The following COQ5 variants were observed in gnomAD, a reference collection of about 807,000 sequenced individuals.
COQ5 encodes the protein 2-methoxy-6-polyprenyl-1,4-benzoquinol methylase, mitochondrial.
In COQ5, 27 loss-of-function variants were observed where a neutral mutation model predicts 40.5. The observed-to-expected ratio is 0.67, with a 90% CI of 0.49 to 0.92. The LOEUF (loss-of-function observed/expected upper bound fraction) is 0.92, where lower values mean the gene tolerates loss of function less well. COQ5 is among the 40% of genes least tolerant of loss of function. The pLI is 0.00. For synonymous variants in COQ5, 141 were observed against 150.0 expected (o/e 0.94, Z 0.44); for missense variants, 409 against 406.4 (o/e 1.01, Z -0.06).
intron 2 of COQ5, among the ~76,000 whole-genome samples, chr12:120,521,696 A>C (rs1325718151): frequency 1.6e-5 from 2 of 121,388 alleles, no homozygotes; most frequent in East Asian, 5.1e-4. Context: ...AAAAAAAAAA[A>C]GGAAATGTGA....
intron 4 of COQ5, chr12:120,509,763 AAATC>A: frequency 2.2e-6 from 1 of 445,992 alleles, no homozygotes; most frequent in Non-Finnish European, 4.1e-6. Context: ...ATTAAAAAAA[AAATC>A]TATCTATCTC....
intron 1 of COQ5, among the ~76,000 whole-genome samples, chr12:120,525,138 C>T (rs1002291653): frequency 6.6e-6 from 1 of 152,168 alleles, no homozygotes; most frequent in South Asian, 2.1e-4. Flanking sequence ...CTAGCTCTGT[C>T]GCCCAGGCTG....
rs1593029408 is a variant in COQ5 at position 120,529,076 on chromosome 12, C to T, written c.66G>A (p.Arg22=). The change falls in exon 1 of 7, where the codon CGG becomes CGA. Residue 22 remains arginine, a synonymous_variant. Coordinates refer to ENST00000288532, the MANE Select transcript of COQ5 (RefSeq NM_032314.4). Reference sequence around the variant, plus strand: ...TACGAAGCCCGAGGAGCTGGCAGCCCCGCATCGCCCGCGACCACCCACGGC... The same window carrying T: ...TACGAAGCCCGAGGAGCTGGCAGCCTCGCATCGCCCGCGACCACCCACGGC... ...YCGRGWSRAM[R]GCQLLGLRSS... 2.5e-6 allele frequency: 4 copies of T among 1,614,112 alleles called. No individual in the cohort carries two copies. The highest frequency in any genetic ancestry group is 4.5e-5 in the East Asian group (2 of 44,868).
At chr12:120,515,033 C>G (rs1869319705) in intron 3 of COQ5, among the ~76,000 whole-genome samples, 1 of 152,010 alleles carries the variant, frequency 6.6e-6, no homozygotes, top group African/African-American at 2.4e-5. Flanking sequence ...CTCAGGGGAT[C>G]CACCCCCCCT....
At chr12:120,521,465 C>T (rs1354198401) in intron 2 of COQ5, among the ~76,000 whole-genome samples, 2 of 151,664 alleles carry the variant, frequency 1.3e-5, no homozygotes, top group African/African-American at 4.8e-5. Flanking sequence ...ATCATGAGGT[C>T]AGGAGTTCAA....
At chr12:120,517,048 C>CTT (rs11427513) in intron 2 of COQ5, among the ~76,000 whole-genome samples, 8 of 150,118 alleles carry the variant, frequency 5.3e-5, no homozygotes, top group Non-Finnish European at 1.2e-4. Flanking sequence ...TCAACACTAA[C>CTT]TTTTTTTTTT....
At chr12:120,516,077 T>C (rs554150654) in intron 3 of COQ5, among the ~76,000 whole-genome samples, 2 of 152,280 alleles carry the variant, frequency 1.3e-5, no homozygotes, top group African/African-American at 2.4e-5. Flanking sequence ...GTGTGAGCCA[T>C]GGGCTCAGCC....
chr12:120,521,604 G>A (rs1467240033), intron 2 of COQ5, among the ~76,000 whole-genome samples: 2 of 150,802 alleles, frequency 1.3e-5, no homozygotes. Context: ...GAACCCCGGA[G>A]GTGGAGGTTG....
At chr12:120,516,532 A>ATACTTCCCC (rs1444075375) in intron 3 of COQ5, 35 bp downstream of exon 3, 2 of 1,481,728 alleles carry the variant, frequency 1.3e-6, no homozygotes, top group East Asian at 4.5e-5. Context: ...AAAGATACAA[A>ATACTTCCCC]TACTTCCCCT....
chr12:120,522,904 T>C (rs1056064727), intron 1 of COQ5: 1 of 719,816 alleles, frequency 1.4e-6, no homozygotes, highest in Non-Finnish European at 2.5e-6. Context: ...AGGGCCTTGA[T>C]AGCGTCAGCA....
intron 3 of COQ5, among the ~76,000 whole-genome samples, chr12:120,514,463 G>A (rs1869285568): frequency 6.6e-6 from 1 of 152,016 alleles, no homozygotes; most frequent in African/African-American, 2.4e-5. Context: ...AAGCTGGGCT[G>A]GGCGCAGTGG....
At chr12:120,518,420 C>T (rs1182375993) in intron 2 of COQ5, among the ~76,000 whole-genome samples, 7 of 130,774 alleles carry the variant, frequency 5.4e-5, no homozygotes, top group Admixed American at 1.7e-4. Context: ...AGTGCAAGAC[C>T]GTTTCCAAAA....
chr12:120,528,513 T>C (rs901559248), intron 1 of COQ5, among the ~76,000 whole-genome samples: 2 of 152,120 alleles, frequency 1.3e-5, no homozygotes, highest in Non-Finnish European at 2.9e-5. Flanking sequence ...ATTCTGCTTT[T>C]AAAAAGGGGG....
chr12:120,505,361 T>C (rs1868833233), intron 4 of COQ5, among the ~76,000 whole-genome samples: 1 of 151,968 alleles, frequency 6.6e-6, no homozygotes, highest in Non-Finnish European at 1.5e-5. Context: ...TGTACGTGGG[T>C]TATTCACTTT....
intron 3 of COQ5, among the ~76,000 whole-genome samples, chr12:120,515,409 GCA>G (rs1869336370): frequency 1.3e-5 from 2 of 152,288 alleles, no homozygotes; most frequent in East Asian, 3.9e-4. Flanking sequence ...TTTTAAGCTA[GCA>G]CACAAATCAT....
chr12:120,527,726 T>C (rs1870015388), intron 1 of COQ5, among the ~76,000 whole-genome samples: 1 of 151,916 alleles, frequency 6.6e-6, no homozygotes, highest in Non-Finnish European at 1.5e-5. Flanking sequence ...CTCATGCCTG[T>C]AATCCCAGCA....
At chr12:120,519,810 C>T (rs997966982) in intron 2 of COQ5, among the ~76,000 whole-genome samples, 3 of 142,034 alleles carry the variant, frequency 2.1e-5, no homozygotes, top group African/African-American at 5.2e-5. Context: ...GCAGAGGTTG[C>T]GGTGAGCCGA....
At position 120,507,124 on chromosome 12, in the gene COQ5, G is replaced by T. The variant is rs569195071; in HGVS notation, c.682-2141C>A. On this transcript the variant is annotated intron_variant, in intron 4 of 6. Coordinates refer to ENST00000288532, the MANE Select transcript of COQ5 (RefSeq NM_032314.4). ...GCTGGGATTACAGGCGTGAGCTACT[G>T]TGCCCAGCACATTCTATTTTATGAA... Among the ~76,000 whole-genome samples the T allele has an allele frequency of 3.9e-3, 590 of 151,990 alleles. 8 individuals carry two copies. The highest frequency in any genetic ancestry group is 0.013 in the African/African-American group (549 of 41,472).
At chr12:120,521,089 G>A (rs1298357564) in intron 2 of COQ5, among the ~76,000 whole-genome samples, 4 of 139,454 alleles carry the variant, frequency 2.9e-5, no homozygotes, top group East Asian at 2.1e-4. Context: ...TTTTTGAGAC[G>A]GAATCTTGCT....
Sources: gnomAD v4.1 joint callset for allele counts (sites outside exome capture counted in the v4.1 genomes callset) on GRCh38, gnomAD v4.1.1 for gene constraint, MANE v1.5 for transcripts, NCBI Gene and HGNC (gene_info 2026-07-23, HGNC 2026-07-21) for gene names.